C8A: variants seen among roughly 807,000 people sequenced by gnomAD.
C8A encodes complement component C8 alpha chain.
Under a neutral mutation model 65.3 loss-of-function variants are expected in C8A, and 67 were observed. The observed-to-expected ratio is 1.03, with a 90% CI of 0.84 to 1.26. C8A has a LOEUF of 1.26. C8A is among the 50% of genes most tolerant of loss of function. C8A has a pLI of 0.00. For synonymous variants in C8A, 290 were observed against 259.4 expected (o/e 1.12, Z -1.13); for missense variants, 781 against 723.9 (o/e 1.08, Z -0.90).
At chr1:56,907,597 A>G (rs1157239642) in intron 8 of C8A, among the ~76,000 whole-genome samples, 1 of 152,170 alleles carries the variant, frequency 6.6e-6, no homozygotes, top group African/African-American at 2.4e-5. Flanking sequence ...TACCTATAGC[A>G]CCTATAATAT....
chr1:56,917,430 C>A, intron 10 of C8A, 135 bp from the exon 11 acceptor site: 1 of 824,768 alleles, frequency 1.2e-6, no homozygotes, highest in Non-Finnish European at 2.1e-6. Flanking sequence ...CTCCAACAAG[C>A]TGCAGTCGAC....
intron 9 of C8A, among the ~76,000 whole-genome samples, chr1:56,910,608 C>G (rs960903849): frequency 2.0e-5 from 3 of 152,228 alleles, no homozygotes; most frequent in African/African-American, 7.2e-5. Flanking sequence ...GCAGCCTATT[C>G]TACGCTGACT....
intron 7 of C8A, among the ~76,000 whole-genome samples, chr1:56,900,497 T>A (rs1428525435): frequency 1.3e-5 from 2 of 152,176 alleles, no homozygotes; most frequent in Non-Finnish European, 2.9e-5. Flanking sequence ...ATGGTAGGAC[T>A]CTGACCCCAG....
At chr1:56,898,485 A>G (rs1644402161) in intron 7 of C8A, among the ~76,000 whole-genome samples, 1 of 151,792 alleles carries the variant, frequency 6.6e-6, no homozygotes, top group Non-Finnish European at 1.5e-5. Context: ...TGCATATGCT[A>G]TTTCTTCTAC....
chr1:56,885,881 A>G (rs369233365), intron 6 of C8A, 46 bp from the exon 7 acceptor site: 1 of 1,612,880 alleles, frequency 6.2e-7, no homozygotes, highest in African/African-American at 1.3e-5. Context: ...GGTAAAATAT[A>G]TGCTCTCTTT....
At chr1:56,862,839 C>A (rs1332693440) in intron 1 of C8A, among the ~76,000 whole-genome samples, 1 of 152,162 alleles carries the variant, frequency 6.6e-6, no homozygotes, top group Admixed American at 6.5e-5. Context: ...TTATGAATGG[C>A]TCCTTAAGTA....
At chr1:56,889,192 G>A (rs1277159244) in intron 7 of C8A, among the ~76,000 whole-genome samples, 1 of 152,118 alleles carries the variant, frequency 6.6e-6, no homozygotes, top group Non-Finnish European at 1.5e-5. Flanking sequence ...GTGAAGAGCT[G>A]ATTTTCTATA....
intron 2 of C8A, 141 bp downstream of exon 2, chr1:56,867,843 C>T: frequency 1.4e-6 from 1 of 713,768 alleles, no homozygotes; most frequent in East Asian, 2.7e-5. Context: ...ATCCATTATA[C>T]ATGGATGGTG....
intron 2 of C8A, among the ~76,000 whole-genome samples, chr1:56,873,002 C>T: frequency 6.6e-6 from 1 of 152,142 alleles, no homozygotes; most frequent in East Asian, 1.9e-4. Context: ...TTAAAATATA[C>T]TGATGTTCTC....
intron 7 of C8A, among the ~76,000 whole-genome samples, chr1:56,894,256 G>A (rs190218970): frequency 3.1e-4 from 47 of 152,132 alleles, no homozygotes; most frequent in Non-Finnish European, 6.3e-4. Context: ...TGGTATATTT[G>A]CTGTGGACTT....
intron 6 of C8A, among the ~76,000 whole-genome samples, chr1:56,885,285 C>CATAAATATATATTTATATATATTTAA: frequency 7.3e-6 from 1 of 136,988 alleles, no homozygotes; most frequent in African/African-American, 2.8e-5. Flanking sequence ...TATATATTTA[C>CATAAATATATATTTATATATATTTAA]ATAAATATAT....
chr1:56,912,912 A>C (rs2101312044), intron 10 of C8A, among the ~76,000 whole-genome samples: 1 of 152,312 alleles, frequency 6.6e-6, no homozygotes, highest in South Asian at 2.1e-4. Flanking sequence ...CTACCATAAC[A>C]AATCATCACA....
intron 10 of C8A, 149 bp from the exon 11 acceptor site, chr1:56,917,416 G>T: frequency 1.3e-6 from 1 of 759,942 alleles, no homozygotes; most frequent in South Asian, 1.5e-5. Flanking sequence ...TTATCTGTAC[G>T]TACCTCCAAC....
intron 4 of C8A, 37 bp downstream of exon 4, chr1:56,876,246 A>G (rs2101219904): frequency 6.2e-7 from 1 of 1,612,700 alleles, no homozygotes; most frequent in Non-Finnish European, 8.5e-7. Context: ...GGAGCAGGGA[A>G]TGATTTGTCT....
At chr1:56,916,245 G>A (rs1192721473) in intron 10 of C8A, among the ~76,000 whole-genome samples, 1 of 152,226 alleles carries the variant, frequency 6.6e-6, no homozygotes, top group Non-Finnish European at 1.5e-5. Context: ...TGCAGGCAGT[G>A]CAGTTAGTTC....
intron 1 of C8A, among the ~76,000 whole-genome samples, chr1:56,858,503 C>A (rs1202895632): frequency 6.6e-6 from 1 of 152,164 alleles, no homozygotes; most frequent in Non-Finnish European, 1.5e-5. Context: ...ACTATCTAAG[C>A]TTCTAAAGTT....
At chr1:56,859,660 A>T (rs1451304078) in intron 1 of C8A, among the ~76,000 whole-genome samples, 1 of 152,240 alleles carries the variant, frequency 6.6e-6, no homozygotes, top group African/African-American at 2.4e-5. Context: ...ATAAATAAAT[A>T]TTACATGTAT....
At chr1:56,877,087 A>G (rs1644205477) in intron 4 of C8A, among the ~76,000 whole-genome samples, 9 of 152,192 alleles carry the variant, frequency 5.9e-5, no homozygotes, top group Admixed American at 5.9e-4. Flanking sequence ...CTCTTTCCAC[A>G]CATGCATAGC....
At chr1:56,857,457 C>A (rs775653747) in intron 1 of C8A, among the ~76,000 whole-genome samples, 2 of 151,852 alleles carry the variant, frequency 1.3e-5, no homozygotes, top group Admixed American at 6.6e-5. Context: ...GTTATGCTTG[C>A]TTTCTTATGA....
Sources: allele counts gnomAD v4.1 joint callset (sites outside exome capture counted in the v4.1 genomes callset), GRCh38; gene constraint gnomAD v4.1.1; transcripts MANE v1.5; gene names NCBI Gene and HGNC (gene_info 2026-07-23, HGNC 2026-07-21).